Variants in HDAC9 observed in about 807,000 individuals in gnomAD.
HDAC9 encodes histone deacetylase 9.
Under a neutral mutation model 139.4 loss-of-function variants are expected in HDAC9, and 41 were observed. The ratio of observed to expected loss-of-function variants is 0.29; its 90% confidence interval spans 0.23 to 0.38. The LOEUF is 0.38. Among genes scored for constraint, HDAC9 ranks in the 10% least tolerant of loss-of-function variants. The pLI is 1.00. For synonymous variants in HDAC9, 517 were observed against 476.2 expected, an observed-to-expected ratio of 1.09 and a Z score of -1.12; for missense variants, 1,147 against 1,297.0, an observed-to-expected ratio of 0.88 and a Z score of 1.78.
Position 18,784,117 on chromosome 7 carries a change from G to GTAT in HDAC9, c.2215-9208_2215-9206dup, listed in dbSNP as rs796864616. Among the ~76,000 whole-genome samples, 225 of 98,666 alleles carry GTAT rather than the reference G, an allele frequency of 2.3e-3. 1 individual carries two copies. Among genetic ancestry groups the GTAT allele is most frequent in the Admixed American group, 3.3e-3 (31 of 9,408 alleles). The allele number at this position is 98,666 out of a possible 152,430, so 64.7% of individuals were successfully genotyped here. On this transcript the variant is annotated intron_variant, in intron 16 of 25. Coordinates refer to ENST00000686413, the MANE Select transcript of HDAC9 (RefSeq NM_178425.4). ...CCCTTCTATATTCGAGTCTTTCTGG[G>GTAT]TATTATTATTATTATTATTATTTGG...
intron 2 of HDAC9, among the ~76,000 whole-genome samples, chr7:18,195,636 T>A (rs1790672267): frequency 6.6e-6 from 1 of 152,168 alleles, no homozygotes; most frequent in Admixed American, 6.6e-5. Flanking sequence ...GGCTCCATGC[T>A]TCAGCCGGGC....
At chr7:18,187,121 C>G (rs1789976291) in intron 2 of HDAC9, among the ~76,000 whole-genome samples, 1 of 152,192 alleles carries the variant, frequency 6.6e-6, no homozygotes, top group African/African-American at 2.4e-5. Flanking sequence ...TGAGTACCTA[C>G]TATGTCCCTG....
rs139972323 is a variant in HDAC9, at chr7:18,610,498, G to A, written c.664+16469G>A. ...CCCGGTCATTCTGATAAATTCCCAG[G>A]ACCATCTCATTCGGACAGCTTATCT... On this transcript the variant is annotated intron_variant, in intron 6 of 25. Transcript: ENST00000686413. Among the ~76,000 whole-genome samples the A allele has an allele frequency of 4.3e-4, 66 of 152,238 alleles. 2 individuals are homozygous for A. The highest frequency in any genetic ancestry group is 1.6e-3 in the African/African-American group (65 of 41,540).
chr7:18,625,095 T>C (rs1057173562), intron 6 of HDAC9, among the ~76,000 whole-genome samples: 1 of 152,150 alleles, frequency 6.6e-6, no homozygotes, highest in African/African-American at 2.4e-5. Context: ...CTGAGAATTA[T>C]GCCTTTTTGC....
chr7:18,494,756 T>C (rs776107491), upstream of HDAC9, among the ~76,000 whole-genome samples: 47 of 152,194 alleles, frequency 3.1e-4, no homozygotes, highest in South Asian at 6.2e-4. Context: ...GGGCAACCAA[T>C]GTATAGCTGA....
chr7:18,306,047 A>G (rs529432066), intron 1 of HDAC9, among the ~76,000 whole-genome samples: 1 of 152,226 alleles, frequency 6.6e-6, no homozygotes, highest in African/African-American at 2.4e-5. Context: ...AGGAGATCCC[A>G]GGAAACTCCA....
intron 1 of HDAC9, among the ~76,000 whole-genome samples, chr7:18,316,514 G>T (rs1475108895): frequency 6.6e-6 from 1 of 151,522 alleles, no homozygotes; most frequent in Non-Finnish European, 1.5e-5. Context: ...ATTCACCCAT[G>T]TTGCCAGGTA....
At chr7:18,343,779 A>T (rs1782193134) in intron 1 of HDAC9, among the ~76,000 whole-genome samples, 1 of 151,856 alleles carries the variant, frequency 6.6e-6, no homozygotes, top group African/African-American at 2.4e-5. Flanking sequence ...CATTTTCTCA[A>T]GAAAACATTA....
intron 22 of HDAC9, among the ~76,000 whole-genome samples, chr7:18,927,811 A>G (rs927713805): frequency 2.0e-5 from 3 of 152,216 alleles, no homozygotes; most frequent in African/African-American, 4.8e-5. Context: ...ACTCCTGCTT[A>G]TCTTGATGCC....
chr7:18,367,206 C>T (rs939278068), intron 1 of HDAC9, among the ~76,000 whole-genome samples: 6 of 151,982 alleles, frequency 3.9e-5, no homozygotes, highest in Non-Finnish European at 7.4e-5. Flanking sequence ...ATTGTTAATT[C>T]CAGTGCATTC....
At chr7:18,729,003 C>T (rs1002227536) in intron 13 of HDAC9, among the ~76,000 whole-genome samples, 6 of 152,120 alleles carry the variant, frequency 3.9e-5, no homozygotes, top group African/African-American at 9.7e-5. Flanking sequence ...CCAGATATTC[C>T]GGAAAACCCA....
upstream of HDAC9, among the ~76,000 whole-genome samples, chr7:18,494,269 C>A (rs896320175): frequency 6.6e-6 from 1 of 152,004 alleles, no homozygotes; most frequent in Admixed American, 6.6e-5. Flanking sequence ...AAGAGGAATT[C>A]AGCAGTGGCC....
At chr7:18,284,248 T>C (rs1465850290) in intron 2 of HDAC9, among the ~76,000 whole-genome samples, 1 of 152,284 alleles carries the variant, frequency 6.6e-6, no homozygotes, top group East Asian at 1.9e-4. Flanking sequence ...GAATTATAAA[T>C]TTAATTTGGT....
At chr7:18,977,117 G>A (rs968076967) in intron 25 of HDAC9, among the ~76,000 whole-genome samples, 1 of 152,276 alleles carries the variant, frequency 6.6e-6, no homozygotes, top group South Asian at 2.1e-4. Flanking sequence ...CAATAAGGGG[G>A]AAAAGTTGTA....
At chr7:18,357,601 A>G (rs886623326) in intron 1 of HDAC9, among the ~76,000 whole-genome samples, 1 of 151,560 alleles carries the variant, frequency 6.6e-6, no homozygotes, top group African/African-American at 2.4e-5. Context: ...CAATTCTAAG[A>G]AAAAAAAGGT....
At chr7:18,295,834 T>C (rs1288956842) in intron 1 of HDAC9, among the ~76,000 whole-genome samples, 1 of 152,126 alleles carries the variant, frequency 6.6e-6, no homozygotes, top group Non-Finnish European at 1.5e-5. Context: ...GGGCAGCATC[T>C]AGGGGGAAGA....
chr7:18,392,177 C>T (rs1786550088), intron 1 of HDAC9, among the ~76,000 whole-genome samples: 1 of 151,938 alleles, frequency 6.6e-6, no homozygotes, highest in Non-Finnish European at 1.5e-5. Context: ...ACCTTAGATT[C>T]CCTGGCAATC....
chr7:18,918,658 C>G (rs1334441443), intron 22 of HDAC9, among the ~76,000 whole-genome samples: 1 of 152,012 alleles, frequency 6.6e-6, no homozygotes, highest in Non-Finnish European at 1.5e-5. Context: ...TTGGGTAATG[C>G]ATTCATAACA....
intron 2 of HDAC9, among the ~76,000 whole-genome samples, chr7:18,529,943 T>A (rs1189554101): frequency 6.6e-6 from 1 of 152,122 alleles, no homozygotes; most frequent in Non-Finnish European, 1.5e-5. Context: ...ACTGTAATTA[T>A]TTTTTTAAAA....
Sources: gnomAD v4.1 joint callset for allele counts (sites outside exome capture counted in the v4.1 genomes callset) on GRCh38, gnomAD v4.1.1 for gene constraint, MANE v1.5 for transcripts, NCBI Gene and HGNC (gene_info 2026-07-23, HGNC 2026-07-21) for gene names.